MAPRE3: variants seen among roughly 807,000 people sequenced by gnomAD.
The protein encoded by MAPRE3 is microtubule-associated protein RP/EB family member 3.
A neutral mutation model predicts 30.5 loss-of-function variants in MAPRE3; 2 were observed. The ratio of observed to expected loss-of-function variants is 0.07; its 90% CI spans 0.03 to 0.21. The LOEUF is 0.21. MAPRE3 is among the 10% of genes least tolerant of loss of function. MAPRE3 has a pLI of 1.00. For synonymous variants in MAPRE3, 110 were observed against 127.7 expected (o/e 0.86, Z 0.93); for missense variants, 204 against 351.8 (o/e 0.58, Z 3.36).
intron 6 of MAPRE3, 54 bp downstream of exon 6, chr2:27,026,086 C>T (rs977811983): frequency 6.2e-7 from 1 of 1,603,030 alleles, no homozygotes; most frequent in Non-Finnish European, 8.5e-7. Flanking sequence ...GCCCTAAGAC[C>T]AGAAGCGCGA....
chr2:26,983,223 C>G (rs947609386), intron 1 of MAPRE3, among the ~76,000 whole-genome samples: 1 of 152,194 alleles, frequency 6.6e-6, no homozygotes, highest in African/African-American at 2.4e-5. Flanking sequence ...TGGAGCCTTT[C>G]CGAAGGGTGC....
intron 1 of MAPRE3, among the ~76,000 whole-genome samples, chr2:26,987,861 A>G (rs1361272117): frequency 6.6e-6 from 1 of 152,232 alleles, no homozygotes; most frequent in Non-Finnish European, 1.5e-5. Flanking sequence ...ACTATGAGAA[A>G]TTATGGTGCA....
At chr2:27,004,046 T>C (rs1449230781) in intron 1 of MAPRE3, among the ~76,000 whole-genome samples, 1 of 152,102 alleles carries the variant, frequency 6.6e-6, no homozygotes, top group Non-Finnish European at 1.5e-5. Context: ...CTTCCATGAG[T>C]CATCTGTCAA....
chr2:26,987,531 G>C (rs140795300), intron 1 of MAPRE3, among the ~76,000 whole-genome samples: 1,877 of 152,202 alleles, frequency 0.012, 21 homozygotes, highest in Non-Finnish European at 0.02. Flanking sequence ...CCAGCTACTC[G>C]GGAGGCTGAG....
chr2:26,989,848 C>T (rs2148204322), intron 1 of MAPRE3, among the ~76,000 whole-genome samples: 1 of 152,280 alleles, frequency 6.6e-6, no homozygotes, highest in African/African-American at 2.4e-5. Context: ...CCTGTTGAAT[C>T]AGAATATTGA....
intron 1 of MAPRE3, among the ~76,000 whole-genome samples, chr2:26,977,455 C>T (rs1344088765): frequency 6.6e-6 from 1 of 152,156 alleles, no homozygotes; most frequent in African/African-American, 2.4e-5. Flanking sequence ...TCCCAGTTCT[C>T]CAGTGTTCCA....
chr2:26,991,203 GAGTTCGTGCCACTGCACTCC>G (rs1223561061), intron 1 of MAPRE3, among the ~76,000 whole-genome samples: 2 of 152,120 alleles, frequency 1.3e-5, no homozygotes, highest in Non-Finnish European at 2.9e-5. Flanking sequence ...GCAGTGAGCC[GAGTTCGTGCCACTGCACTCC>G]AGCCTGGGCG....
chr2:27,016,171 G>T (rs1666978450), intron 1 of MAPRE3, among the ~76,000 whole-genome samples: 1 of 152,130 alleles, frequency 6.6e-6, no homozygotes, highest in African/African-American at 2.4e-5. Context: ...ATGATGACAT[G>T]CCACAATCCA....
chr2:26,986,064 A>G lies in MAPRE3; in HGVS notation c.-8+15262A>G, dbSNP rs1281836854. The stretch of plus-strand genomic sequence containing the variant: ...GCACAGGAAACTAATCCAGTGTGCC[A>G]AAATCAAGGTGTTGGCAAGGCTGTG... On this transcript the variant is annotated intron_variant, in intron 1 of 6. Coordinates refer to ENST00000233121, the MANE Select transcript of MAPRE3 (RefSeq NM_012326.4). This position sits in a 1 kb window ranked among gnomAD's most constrained non-coding sequence, Gnocchi z 4.2. 6.6e-6 allele frequency among the ~76,000 whole-genome samples: 1 copy of G among 152,228 alleles called. No individual in the cohort carries two copies. The highest frequency in any genetic ancestry group is 2.4e-5 in the African/African-American group (1 of 41,456).
intron 1 of MAPRE3, among the ~76,000 whole-genome samples, chr2:27,007,117 AT>A (rs1666747018): frequency 6.6e-6 from 1 of 152,212 alleles, no homozygotes; most frequent in South Asian, 2.1e-4. Context: ...AAATAGGCAT[AT>A]TTTGGGGTGA....
chr2:26,997,998 C>T (rs1365954072), intron 1 of MAPRE3, among the ~76,000 whole-genome samples: 1 of 152,186 alleles, frequency 6.6e-6, no homozygotes, highest in Non-Finnish European at 1.5e-5. Context: ...ATGGTGGGAC[C>T]TCACCCTTTC....
At chr2:27,025,776 C>T in intron 5 of MAPRE3, 39 bp downstream of exon 5, 1 of 1,613,856 alleles carries the variant, frequency 6.2e-7, no homozygotes. Flanking sequence ...ATAGCCCTGT[C>T]ACCAAAGCCA....
chr2:27,015,530 C>T lies in MAPRE3; in HGVS notation c.-7-6682C>T, dbSNP rs188303116. 7.5e-4 allele frequency among the ~76,000 whole-genome samples: 114 copies of T among 152,196 alleles called. No individual in the cohort carries two copies. Among genetic ancestry groups the T allele is most frequent in the Admixed American group, 5.8e-3 (88 of 15,282 alleles). On this transcript the variant is annotated intron_variant, in intron 1 of 6. Transcript: ENST00000233121. This position sits in a 1 kb window ranked among gnomAD's most constrained non-coding sequence, Gnocchi z 4.0. ...AGACCTGGTGTGTCTTTCATAGCCA[C>T]GCTGGGCAGAGGGTGGAGGCCTGGA...
chr2:26,990,820 A>G (rs1399920182), intron 1 of MAPRE3, among the ~76,000 whole-genome samples: 7 of 152,204 alleles, frequency 4.6e-5, no homozygotes, highest in Non-Finnish European at 8.8e-5. Context: ...TAGCTCTAGT[A>G]TATCATGTTA....
chr2:27,010,944 T>C (rs12478794), intron 1 of MAPRE3, among the ~76,000 whole-genome samples: 150,594 of 152,260 alleles, frequency 0.99, 74,491 homozygotes, highest in East Asian at 1. Context: ...GCTGTCCCCA[T>C]ACTCCAACAA....
chr2:27,016,131 G>A (rs551328633), intron 1 of MAPRE3, among the ~76,000 whole-genome samples: 3 of 152,216 alleles, frequency 2.0e-5, no homozygotes, highest in East Asian at 3.9e-4. Context: ...CCACGTTGTC[G>A]GTCTGATCCT....
chr2:27,025,522 G>A, intron 4 of MAPRE3, 61 bp from the exon 5 acceptor site: 8 of 1,506,060 alleles, frequency 5.3e-6, no homozygotes, highest in Non-Finnish European at 7.1e-6. Context: ...ACACCAGGCT[G>A]TCTCCTGCCA....
In MAPRE3 at chr2:27,015,185, C is replaced by T. The variant is rs974706739; in HGVS notation, c.-7-7027C>T. 1.1e-4 allele frequency among the ~76,000 whole-genome samples: 16 copies of T among 152,200 alleles called. No individual in the cohort carries two copies. The highest frequency in any genetic ancestry group is 1.0e-3 in the South Asian group (5 of 4,830). On this transcript the variant is annotated intron_variant, in intron 1 of 6. Transcript: ENST00000233121. The surrounding 1 kb of genome is among the most constrained non-coding windows in gnomAD (Gnocchi z 4.0). ...GGCTGTGTGTCAGGCACCTACTCCT[C>T]GAACAAATGCCCTTAGATTCTCACT... is the stretch of plus-strand genomic sequence containing the variant.
intron 1 of MAPRE3, among the ~76,000 whole-genome samples, chr2:26,991,200 G>C (rs1666335523): frequency 6.6e-6 from 1 of 152,170 alleles, no homozygotes; most frequent in Admixed American, 6.5e-5. Flanking sequence ...CTTGCAGTGA[G>C]CCGAGTTCGT....
Sources: gnomAD v4.1 joint callset for allele counts (sites outside exome capture counted in the v4.1 genomes callset) on GRCh38, gnomAD v4.1.1 for gene constraint, Gnocchi (gnomAD v3.1) non-coding constraint, MANE v1.5 for transcripts, NCBI Gene and HGNC (gene_info 2026-07-23, HGNC 2026-07-21) for gene names.